MAN2A1: variants seen among roughly 807,000 people sequenced by gnomAD.
MAN2A1 encodes alpha-mannosidase 2.
A neutral mutation model predicts 142.6 loss-of-function variants in MAN2A1; 76 were observed. The observed-to-expected ratio is 0.53, with a 90% confidence interval of 0.44 to 0.65. The LOEUF is 0.65. MAN2A1 is among the 30% of genes least tolerant of loss of function. The pLI is 0.00. For synonymous variants in MAN2A1, 559 were observed against 473.2 expected (o/e 1.18, Z -2.35); for missense variants, 1,311 against 1,365.1 (o/e 0.96, Z 0.62).
rs531944034 is a variant in MAN2A1, at chr5:109,844,730, C to G, written c.2701-1135C>G. Among the ~76,000 whole-genome samples the G allele has an allele frequency of 5.3e-5, 8 of 152,298 alleles. No individual in the cohort carries two copies. In the South Asian group the frequency reaches 1.0e-3, roughly 20 times the overall value. Reference sequence around the variant, plus strand: ...GGCATTCCTTGGTTTGTGTATGCATCACTCCCATCTCTACCTCTTTTGTCA... The same window carrying G: ...GGCATTCCTTGGTTTGTGTATGCATGACTCCCATCTCTACCTCTTTTGTCA... On this transcript the variant is annotated intron_variant, in intron 17 of 21. Transcript: ENST00000261483.
rs1415146338 is a variant in MAN2A1, at chr5:109,867,175, AAAAG to A, written c.*178_*181del. The A allele has an allele frequency of 2.4e-6, 1 of 412,300 alleles. No individual in the cohort carries two copies. The highest frequency in any genetic ancestry group is 4.2e-6 in the Non-Finnish European group (1 of 236,298). The allele number at this position is 412,300 out of a possible 1,614,324, so 25.5% of individuals were successfully genotyped here. A position where few individuals can be genotyped will look rare whatever the true frequency, so the allele number is the denominator to read the frequency against. On this transcript the variant is annotated 3_prime_UTR_variant, in exon 22 of 22. Transcript: ENST00000261483. ...ACAGTAAGAAAAAAAAAAAAAAAAAAAAAGCCATGCTATCAATCAAGATTCTTTT... is the reference window on the plus strand; with the variant it reads ...ACAGTAAGAAAAAAAAAAAAAAAAAACCATGCTATCAATCAAGATTCTTTT...
chr5:109,818,430 T>G (rs1023501313), intron 13 of MAN2A1, among the ~76,000 whole-genome samples: 2 of 152,070 alleles, frequency 1.3e-5, no homozygotes, highest in Non-Finnish European at 2.9e-5. Context: ...AAAGGTAAAC[T>G]ATAATAAAAA....
chr5:109,762,221 C>T (rs993398197), intron 5 of MAN2A1, among the ~76,000 whole-genome samples: 1 of 152,006 alleles, frequency 6.6e-6, no homozygotes, highest in African/African-American at 2.4e-5. Flanking sequence ...TTGTATCTAT[C>T]TTCTTTATAG....
At chr5:109,857,099 GAC>G (rs1755641560) in intron 20 of MAN2A1, among the ~76,000 whole-genome samples, 2 of 152,158 alleles carry the variant, frequency 1.3e-5, no homozygotes, top group African/African-American at 4.8e-5. Context: ...GAGAATAAGA[GAC>G]TCCTGCAGAT....
chr5:109,842,806 G>GTTTTTTTTTGTTT (rs1554082995), intron 17 of MAN2A1, among the ~76,000 whole-genome samples: 3 of 116,214 alleles, frequency 2.6e-5, no homozygotes, highest in East Asian at 6.3e-4. Context: ...TACTTATTGG[G>GTTTTTTTTTGTTT]TTTTTTTTTT....
intron 12 of MAN2A1, among the ~76,000 whole-genome samples, chr5:109,792,597 C>G (rs1248243441): frequency 2.6e-5 from 4 of 152,128 alleles, no homozygotes; most frequent in Non-Finnish European, 4.4e-5. Context: ...ACAAACTAAT[C>G]TAAAACTTAA....
intron 20 of MAN2A1, among the ~76,000 whole-genome samples, chr5:109,860,599 A>G (rs2112441840): frequency 6.6e-6 from 1 of 152,172 alleles, no homozygotes; most frequent in South Asian, 2.1e-4. Flanking sequence ...TGCACACATA[A>G]TGTTTACTAC....
At chr5:109,737,410 GGCCT>G (rs1752135549) in intron 4 of MAN2A1, among the ~76,000 whole-genome samples, 1 of 150,816 alleles carries the variant, frequency 6.6e-6, no homozygotes, top group Admixed American at 6.6e-5. Context: ...CACTGTCCCT[GGCCT>G]GTATACTTTT....
At chr5:109,762,158 A>G (rs997303199) in intron 5 of MAN2A1, among the ~76,000 whole-genome samples, 1 of 152,206 alleles carries the variant, frequency 6.6e-6, no homozygotes, top group African/African-American at 2.4e-5. Context: ...TAGTATTTTA[A>G]AACAAATTTA....
intron 1 of MAN2A1, among the ~76,000 whole-genome samples, chr5:109,700,546 A>G (rs1268308408): frequency 6.6e-6 from 1 of 152,174 alleles, no homozygotes; most frequent in Non-Finnish European, 1.5e-5. Context: ...GAGAATGTGA[A>G]TCATTCTTAG....
intron 15 of MAN2A1, among the ~76,000 whole-genome samples, chr5:109,821,200 C>G (rs565358062): frequency 6.6e-6 from 1 of 152,130 alleles, no homozygotes; most frequent in Non-Finnish European, 1.5e-5. Flanking sequence ...CTTTTCTCCC[C>G]GTTCTCAAGT....
chr5:109,804,961 G>A (rs1280660422), intron 12 of MAN2A1, among the ~76,000 whole-genome samples: 2 of 152,110 alleles, frequency 1.3e-5, no homozygotes, highest in Non-Finnish European at 2.9e-5. Flanking sequence ...ATTCATTGGA[G>A]AAATGAATTT....
At chr5:109,742,882 C>T (rs570702843) in intron 4 of MAN2A1, among the ~76,000 whole-genome samples, 11 of 152,178 alleles carry the variant, frequency 7.2e-5, no homozygotes, top group Non-Finnish European at 1.5e-4. Flanking sequence ...TATGTTCTAT[C>T]CCTACCTTTT....
At chr5:109,821,947 TTATAGGTTTTC>T (rs1209506678) in intron 15 of MAN2A1, among the ~76,000 whole-genome samples, 2 of 152,008 alleles carry the variant, frequency 1.3e-5, no homozygotes, top group African/African-American at 4.8e-5. Context: ...TTTTATACCT[TTATAGGTTTTC>T]TATACCTCAA....
chr5:109,865,541 A>G (rs2112450532), intron 21 of MAN2A1: 1 of 176,426 alleles, frequency 5.7e-6, no homozygotes, highest in Non-Finnish European at 1.2e-5. Flanking sequence ...ATAATAACTG[A>G]AGCTTATAGA....
At chr5:109,863,266 T>C (rs1755800542) in intron 20 of MAN2A1, 1 of 152,228 alleles carries the variant, frequency 6.6e-6, no homozygotes, top group Non-Finnish European at 1.5e-5. Flanking sequence ...GTTCCCTGAG[T>C]CTTTAGCTAC....
chr5:109,809,602 A>G (rs1216920702), intron 12 of MAN2A1, among the ~76,000 whole-genome samples: 1 of 151,936 alleles, frequency 6.6e-6, no homozygotes, highest in African/African-American at 2.4e-5. Flanking sequence ...AATTATTTTG[A>G]TATGTCAGCT....
intron 4 of MAN2A1, among the ~76,000 whole-genome samples, chr5:109,747,827 AT>A (rs1243028822): frequency 1.3e-5 from 2 of 152,096 alleles, no homozygotes; most frequent in Non-Finnish European, 2.9e-5. Context: ...TTCGTGCATA[AT>A]TTTTTCATCA....
intron 12 of MAN2A1, among the ~76,000 whole-genome samples, chr5:109,798,834 A>G (rs781188989): frequency 6.6e-6 from 1 of 152,050 alleles, no homozygotes; most frequent in African/African-American, 2.4e-5. Context: ...GGCACCCGCC[A>G]CCACACTGGG....
Sources: gnomAD v4.1 joint callset for allele counts (sites outside exome capture counted in the v4.1 genomes callset) on GRCh38, gnomAD v4.1.1 for gene constraint, MANE v1.5 for transcripts, NCBI Gene and HGNC (gene_info 2026-07-23, HGNC 2026-07-21) for gene names.